The following DCLK2 variants were observed in gnomAD, a reference collection of about 807,000 sequenced individuals.
DCLK2 encodes the protein doublecortin like kinase 2.
A neutral mutation model predicts 78.4 loss-of-function variants in DCLK2; 31 were observed. That is an observed-to-expected ratio of 0.40 (90% CI 0.30 to 0.53). The LOEUF is 0.53. Among genes scored for constraint, DCLK2 ranks in the 20% least tolerant of loss-of-function variants. The probability of loss-of-function intolerance (pLI) is 0.61; values close to 1 mark genes in which losing one functional copy is unlikely to be tolerated. For missense variants in DCLK2, 872 were observed against 973.7 expected (o/e 0.90, Z 1.39); for synonymous variants, 407 against 374.9 (o/e 1.09, Z -0.99).
chr4:150,199,191 T>C (rs1203076758), intron 4 of DCLK2: 1 of 926,552 alleles, frequency 1.1e-6, no homozygotes, highest in Non-Finnish European at 1.7e-6. Context: ...CTTATTCCAG[T>C]GCACATCTGT....
In DCLK2 at chr4:150,102,471, T is replaced by C. The variant is rs1222090609; in HGVS notation, c.422-7T>C. 2 of 1,605,476 alleles carry C rather than the reference T, an allele frequency of 1.2e-6. No homozygotes were observed. The highest frequency in any genetic ancestry group is 1.7e-4 in the Middle Eastern group (1 of 6,004). Reference sequence around the variant, plus strand: ...TCATGCTAATAAAATCAAATTTTGCTTTTTAGGTGAGAGTTACGTGTGTGC... The same window carrying C: ...TCATGCTAATAAAATCAAATTTTGCCTTTTAGGTGAGAGTTACGTGTGTGC... On this transcript the variant is annotated splice_region_variant and splice_polypyrimidine_tract_variant and intron_variant, in intron 1 of 15. Transcript: ENST00000296550.
chr4:150,208,205 G>A (rs1739992739), intron 5 of DCLK2, among the ~76,000 whole-genome samples: 2 of 152,094 alleles, frequency 1.3e-5, no homozygotes, highest in African/African-American at 4.8e-5. Flanking sequence ...GTCAAGCAGA[G>A]GATTTTGTAG....
chr4:150,104,991 A>G (rs1731156667), intron 2 of DCLK2, among the ~76,000 whole-genome samples: 3 of 152,192 alleles, frequency 2.0e-5, no homozygotes, highest in Admixed American at 2.0e-4. Context: ...TGGGGAACCT[A>G]ACAAAATGAT....
chr4:150,195,417 T>A (rs1331758758), intron 3 of DCLK2, among the ~76,000 whole-genome samples: 1 of 6,176 alleles, frequency 1.6e-4, no homozygotes, highest in African/African-American at 5.3e-4. Flanking sequence ...TTATATATAT[T>A]ATATAATATT....
intron 2 of DCLK2, among the ~76,000 whole-genome samples, chr4:150,134,930 G>C (rs1733585865): frequency 6.6e-6 from 1 of 151,870 alleles, no homozygotes; most frequent in African/African-American, 2.4e-5. Flanking sequence ...TCTCCCTTTT[G>C]ATACTGTTTT....
intron 2 of DCLK2, among the ~76,000 whole-genome samples, chr4:150,104,464 T>C (rs940278597): frequency 1.5e-5 from 2 of 135,462 alleles, no homozygotes; most frequent in African/African-American, 5.5e-5. Context: ...ATAGTAACCA[T>C]TGAAATTTAA....
intron 2 of DCLK2, among the ~76,000 whole-genome samples, chr4:150,103,279 G>C (rs1000806929): frequency 1.3e-5 from 2 of 152,282 alleles, no homozygotes; most frequent in South Asian, 4.1e-4. Context: ...TCAAAAGAAA[G>C]TACTTTTATA....
intron 2 of DCLK2, among the ~76,000 whole-genome samples, chr4:150,132,816 CG>C (rs1553959033): frequency 6.6e-6 from 1 of 152,136 alleles, no homozygotes; most frequent in Non-Finnish European, 1.5e-5. Context: ...TTTGTAGAGA[CG>C]GGGTCTCACT....
intron 5 of DCLK2, among the ~76,000 whole-genome samples, chr4:150,213,972 T>C (rs894657251): frequency 6.6e-6 from 1 of 152,216 alleles, no homozygotes; most frequent in Non-Finnish European, 1.5e-5. Context: ...ATATAACCTC[T>C]CTAAGCTCTG....
chr4:150,148,084 G>A (rs536938489), intron 2 of DCLK2, among the ~76,000 whole-genome samples: 10 of 152,228 alleles, frequency 6.6e-5, no homozygotes, highest in African/African-American at 2.4e-4. Flanking sequence ...GTACTTTTTT[G>A]TGGCTGGTCA....
intron 2 of DCLK2, among the ~76,000 whole-genome samples, chr4:150,180,059 A>C (rs1188247262): frequency 6.6e-6 from 1 of 152,214 alleles, no homozygotes; most frequent in Non-Finnish European, 1.5e-5. Flanking sequence ...AAGTATAAAA[A>C]ATTATCTGAC....
At chr4:150,128,393 ATAGG>A (rs1168474921) in intron 2 of DCLK2, among the ~76,000 whole-genome samples, 3 of 152,138 alleles carry the variant, frequency 2.0e-5, no homozygotes, top group Non-Finnish European at 2.9e-5. Flanking sequence ...TTGAAATCAA[ATAGG>A]TAGGCAAGGA....
chr4:150,079,060 C>T lies in DCLK2; in HGVS notation c.33C>T (p.His11=), dbSNP rs1491000411. The part of the protein sequence containing the change: MASTRSIELE[H]FEERDKRPRP... ...GCACCAGGAGTATCGAGCTGGAGCACTTTGAGGAACGGGACAAAAGGCCGC... is the reference window on the plus strand; with the variant it reads ...GCACCAGGAGTATCGAGCTGGAGCATTTTGAGGAACGGGACAAAAGGCCGC... Residue 11 remains histidine (H), a synonymous_variant, in exon 1 of 16, where the codon CAC becomes CAT. Transcript: ENST00000296550. The T allele has an allele frequency of 1.9e-6, 3 of 1,554,834 alleles. No individual in the cohort carries two copies. The highest frequency in any genetic ancestry group is 2.0e-5 in the Admixed American group (1 of 50,228).
At chr4:150,237,488 A>G (rs1401868185) in intron 10 of DCLK2, among the ~76,000 whole-genome samples, 3 of 152,222 alleles carry the variant, frequency 2.0e-5, no homozygotes, top group Admixed American at 2.0e-4. Flanking sequence ...TGTATTCAGT[A>G]TATAAGACTG....
At chr4:150,128,605 A>G (rs1486417864) in intron 2 of DCLK2, among the ~76,000 whole-genome samples, 2 of 152,192 alleles carry the variant, frequency 1.3e-5, no homozygotes, top group Non-Finnish European at 1.5e-5. Context: ...TGTTTTAGAC[A>G]ATATTATTTC....
chr4:150,137,990 TA>T (rs1399156201), intron 2 of DCLK2, among the ~76,000 whole-genome samples: 1 of 152,208 alleles, frequency 6.6e-6, no homozygotes, highest in East Asian at 1.9e-4. Context: ...CATTGGATTT[TA>T]AAATAGAGAA....
chr4:150,243,470 G>A (rs776971485), intron 12 of DCLK2, among the ~76,000 whole-genome samples: 1 of 152,126 alleles, frequency 6.6e-6, no homozygotes, highest in Admixed American at 6.5e-5. Context: ...CATTAATTAC[G>A]GACATGGTAC....
Position 150,088,452 on chromosome 4 carries a change from A to AT in DCLK2, c.421+9011dup, listed in dbSNP as rs750273549. Among the ~76,000 whole-genome samples, 19 of 149,352 alleles carry AT rather than the reference A, an allele frequency of 1.3e-4. No individual in the cohort carries two copies. The East Asian group carries it at 2.0e-3, about 15-fold the overall frequency. ...TCTGCTTATATATGACAGCCTTCAGATTTTTTTCTTTTTTCTTTTTAAATT... is the reference window on the plus strand; with the variant it reads ...TCTGCTTATATATGACAGCCTTCAGATTTTTTTTCTTTTTTCTTTTTAAATT... On this transcript the variant is annotated intron_variant, in intron 1 of 15. Transcript: ENST00000296550.
chr4:150,237,760 CCTT>C (rs1383513903), intron 10 of DCLK2, among the ~76,000 whole-genome samples: 4 of 152,190 alleles, frequency 2.6e-5, no homozygotes, highest in Admixed American at 6.5e-5. Flanking sequence ...AAATTTTTCT[CCTT>C]CTACAGTTAA....
Sources: allele counts gnomAD v4.1 joint callset (sites outside exome capture counted in the v4.1 genomes callset), GRCh38; gene constraint gnomAD v4.1.1; transcripts MANE v1.5; gene names NCBI Gene and HGNC (gene_info 2026-07-23, HGNC 2026-07-21).